MAMLD1: variants seen among roughly 807,000 people sequenced by gnomAD.
MAMLD1 encodes the protein mastermind like domain containing 1.
Under a neutral mutation model 45.0 loss-of-function variants are expected in MAMLD1, and 14 were observed. The ratio of observed to expected loss-of-function variants is 0.31; its 90% CI spans 0.21 to 0.49. The LOEUF is 0.49. MAMLD1 is among the 20% of genes least tolerant of loss of function. MAMLD1 has a pLI of 0.99. For missense variants in MAMLD1, 543 were observed against 603.6 expected (o/e 0.90, Z 1.05); for synonymous variants, 254 against 247.8 (o/e 1.02, Z -0.24).
intron 1 of MAMLD1, among the ~76,000 whole-genome samples, chrX:150,398,283 A>G (rs1199190342): frequency 1.3e-5 from 1 of 75,063 alleles, no homozygotes; most frequent in Non-Finnish European, 2.5e-5. Context: ...AAGAAGAAGA[A>G]GAAGAAGAAG....
chrX:150,407,964 T>C (rs2034036939), intron 1 of MAMLD1, among the ~76,000 whole-genome samples: 1 of 111,806 alleles, frequency 8.9e-6, no homozygotes, highest in Non-Finnish European at 1.9e-5. Flanking sequence ...GCTGGCTCTA[T>C]GATCCCAGAG....
chrX:150,400,541 T>C (rs1305390567), intron 1 of MAMLD1, among the ~76,000 whole-genome samples: 4 of 112,205 alleles, frequency 3.6e-5, no homozygotes, highest in Non-Finnish European at 5.6e-5. Flanking sequence ...GTGCCAGTTT[T>C]CAAAGGGAAT....
chrX:150,459,760 G>A (rs944081185), intron 2 of MAMLD1, among the ~76,000 whole-genome samples: 1 of 107,448 alleles, frequency 9.3e-6, no homozygotes, highest in Non-Finnish European at 1.9e-5. Context: ...TATAAATCAG[G>A]TCTCCCTTAC....
At chrX:150,390,009 A>G (rs1337987255) in intron 1 of MAMLD1, among the ~76,000 whole-genome samples, 1 of 112,102 alleles carries the variant, frequency 8.9e-6, no homozygotes, top group Admixed American at 9.4e-5. Context: ...CAACTTACCT[A>G]TGATGTTGTA....
chrX:150,486,342 C>A (rs982241943), intron 5 of MAMLD1, among the ~76,000 whole-genome samples: 1 of 111,392 alleles, frequency 9.0e-6, no homozygotes, highest in African/African-American at 3.3e-5. Flanking sequence ...TCCCAGAAGC[C>A]CCCCCAGATT....
At chrX:150,364,247 G>GC (rs2124432735) in intron 1 of MAMLD1, among the ~76,000 whole-genome samples, 1 of 112,836 alleles carries the variant, frequency 8.9e-6, no homozygotes, top group South Asian at 3.6e-4. Context: ...CGGGCGGGAA[G>GC]CCCCCCGGAG....
intron 1 of MAMLD1, among the ~76,000 whole-genome samples, chrX:150,383,354 T>C (rs2032765585): frequency 9.0e-6 from 1 of 111,692 alleles, no homozygotes; most frequent in African/African-American, 3.3e-5. Flanking sequence ...TTACTTCGTA[T>C]GTAAATTTCT....
chrX:150,379,848 A>G lies in MAMLD1; in HGVS notation c.-64+16318A>G, dbSNP rs186372136. 2.9e-4 allele frequency among the ~76,000 whole-genome samples: 32 copies of G among 112,238 alleles called. No homozygotes were observed. The East Asian group carries it at 8.1e-3, about 28-fold the overall frequency. ...ACGCATGTCCCAGAAATCACTCCAT[A>G]TAGAGATCTTCTTCATTCTTTCATT... On this transcript the variant is annotated intron_variant, in intron 1 of 7. Transcript: ENST00000370401.
intron 1 of MAMLD1, among the ~76,000 whole-genome samples, chrX:150,365,921 C>T (rs1180290734): frequency 8.9e-6 from 1 of 112,513 alleles, no homozygotes; most frequent in Non-Finnish European, 1.9e-5. Flanking sequence ...CTTATAACTG[C>T]CCCCCTAAAA....
intron 1 of MAMLD1, among the ~76,000 whole-genome samples, chrX:150,390,219 C>T: frequency 9.0e-6 from 1 of 111,685 alleles, no homozygotes; most frequent in Non-Finnish European, 1.9e-5. Flanking sequence ...ACATGCGCCA[C>T]CATGCCTGGT....
chrX:150,368,482 T>C (rs1415943827), intron 1 of MAMLD1, among the ~76,000 whole-genome samples: 2 of 110,941 alleles, frequency 1.8e-5, no homozygotes, highest in African/African-American at 3.3e-5. Flanking sequence ...GATGAGTAGA[T>C]TGCAAAAATT....
At chrX:150,408,806 G>A (rs2034056730) in intron 1 of MAMLD1, among the ~76,000 whole-genome samples, 1 of 112,090 alleles carries the variant, frequency 8.9e-6, no homozygotes, top group Admixed American at 9.5e-5. Context: ...ATTGGCATTT[G>A]GTTGCATGAG....
At position 150,430,019 on chromosome X, in the gene MAMLD1, C is replaced by CTTTTTTTTTTTTTTTTTTTTTTTT. The variant is rs1174092962; in HGVS notation, c.-63-15434_-63-15411dup. 6.1e-4 allele frequency among the ~76,000 whole-genome samples: 30 copies of CTTTTTTTTTTTTTTTTTTTTTTTT among 49,218 alleles called. 1 individual carries two copies. Among genetic ancestry groups the CTTTTTTTTTTTTTTTTTTTTTTTT allele is most frequent in the African/African-American group, 6.7e-4 (8 of 11,870 alleles). The allele number at this position is 49,218 out of a possible 115,157, so 42.7% of individuals were successfully genotyped here. A position where few individuals can be genotyped will look rare whatever the true frequency, so the allele number is the denominator to read the frequency against. ...CCATTTTCTTTTCTTTCTTTCTTTT[C>CTTTTTTTTTTTTTTTTTTTTTTTT]TTTTTTTTTTTTTTTTTTTTTTTTG... On this transcript the variant is annotated intron_variant, in intron 1 of 7. Transcript: ENST00000370401.
At chrX:150,400,366 A>G (rs1274543145) in intron 1 of MAMLD1, among the ~76,000 whole-genome samples, 1 of 112,174 alleles carries the variant, frequency 8.9e-6, no homozygotes, top group Admixed American at 9.4e-5. Context: ...GGCTGAGACA[A>G]TGGGGTTTTC....
At chrX:150,476,473 G>A (rs952784457) in intron 5 of MAMLD1, among the ~76,000 whole-genome samples, 20 of 112,241 alleles carry the variant, frequency 1.8e-4, no homozygotes, top group African/African-American at 5.5e-4. Context: ...GTGGAAGACT[G>A]GGGATAGCAA....
At chrX:150,407,304 A>C (rs1250191150) in intron 1 of MAMLD1, among the ~76,000 whole-genome samples, 1 of 112,126 alleles carries the variant, frequency 8.9e-6, no homozygotes, top group Non-Finnish European at 1.9e-5. Flanking sequence ...GTGATATTTG[A>C]AGATTCCTGC....
At chrX:150,444,135 C>T (rs2035412262) in intron 1 of MAMLD1, among the ~76,000 whole-genome samples, 1 of 111,884 alleles carries the variant, frequency 8.9e-6, no homozygotes, top group Admixed American at 9.5e-5. Context: ...AGGATTCCAA[C>T]TCCCTACTAG....
chrX:150,404,801 C>G (rs1202859816), intron 1 of MAMLD1, among the ~76,000 whole-genome samples: 3 of 112,170 alleles, frequency 2.7e-5, no homozygotes, highest in African/African-American at 9.7e-5. Context: ...TTCTTTCATT[C>G]AGCATAATGA....
chrX:150,483,215 G>A (rs1297601606), intron 5 of MAMLD1, among the ~76,000 whole-genome samples: 3 of 112,300 alleles, frequency 2.7e-5, no homozygotes, highest in Non-Finnish European at 5.6e-5. Context: ...TTCACACCTG[G>A]TCATTGTGTC....
Sources: gnomAD v4.1 joint callset for allele counts (sites outside exome capture counted in the v4.1 genomes callset) on GRCh38, gnomAD v4.1.1 for gene constraint, MANE v1.5 for transcripts, NCBI Gene and HGNC (gene_info 2026-07-23, HGNC 2026-07-21) for gene names.